DOCK2: variants seen among roughly 807,000 people sequenced by gnomAD.
DOCK2 encodes dedicator of cytokinesis protein 2.
A neutral mutation model predicts 248.9 loss-of-function variants in DOCK2; 87 were observed. The observed-to-expected ratio is 0.35, with a 90% CI of 0.29 to 0.42. The LOEUF is 0.42. Among genes scored for constraint, DOCK2 ranks in the 10% least tolerant of loss-of-function variants. The pLI is 1.00. For synonymous variants in DOCK2, 805 were observed against 821.6 expected, an observed-to-expected ratio of 0.98 and a Z score of 0.35; for missense variants, 1,747 against 2,300.2, an observed-to-expected ratio of 0.76 and a Z score of 4.92.
chr5:169,998,093 G>T, intron 30 of DOCK2: 1 of 455,440 alleles, frequency 2.2e-6, no homozygotes, highest in South Asian at 1.6e-5. Context: ...ACTCCTCCCT[G>T]AGGATCACCC....
At chr5:169,767,396 T>C (rs1183014602) in intron 25 of DOCK2, among the ~76,000 whole-genome samples, 1 of 152,222 alleles carries the variant, frequency 6.6e-6, no homozygotes, top group Non-Finnish European at 1.5e-5. Context: ...GTCCCACTTG[T>C]CAATTTTTGA....
chr5:169,923,002 C>T (rs555070884), intron 27 of DOCK2, among the ~76,000 whole-genome samples: 1 of 152,216 alleles, frequency 6.6e-6, no homozygotes, highest in Non-Finnish European at 1.5e-5. Flanking sequence ...GTCCCACAGA[C>T]AGATATAATT....
intron 26 of DOCK2, among the ~76,000 whole-genome samples, chr5:169,838,385 A>G (rs980608190): frequency 6.6e-6 from 1 of 152,198 alleles, no homozygotes; most frequent in African/African-American, 2.4e-5. Context: ...TGGAGAGAGT[A>G]ATGTTGCTCG....
chr5:169,698,044 T>C lies in DOCK2; in HGVS notation c.980-330T>C, dbSNP rs186515547. On this transcript the variant is annotated intron_variant, in intron 10 of 51. Coordinates refer to ENST00000520908, the MANE Select transcript of DOCK2 (RefSeq NM_004946.3). ...GTAGGCATGGTAGACATTCAATACA[T>C]GCATGTCAAATCCAAACCTAATTGC... is the stretch of plus-strand genomic sequence containing the variant. 2.6e-5 allele frequency among the ~76,000 whole-genome samples: 4 copies of C among 152,374 alleles called. No individual in the cohort carries two copies. In the East Asian group the frequency reaches 5.8e-4, roughly 22 times the overall value.
chr5:169,704,807 ATG>A (rs1761170176), intron 14 of DOCK2, among the ~76,000 whole-genome samples: 1 of 120,318 alleles, frequency 8.3e-6, no homozygotes, highest in Non-Finnish European at 1.8e-5. Flanking sequence ...GTGTGTGTGT[ATG>A]TGTATGCACA....
In DOCK2 at chr5:170,065,670, G is replaced by T. The variant is rs547812182; in HGVS notation, c.4468-1840G>T. Reference sequence around the variant, plus strand: ...ACGTGGATGGCAGCAGGCAAAGAGAGAGCTTGTGCAGGGAAATTCCCTTTA... The same window carrying T: ...ACGTGGATGGCAGCAGGCAAAGAGATAGCTTGTGCAGGGAAATTCCCTTTA... On this transcript the variant is annotated intron_variant, in intron 44 of 51. Coordinates refer to ENST00000520908, the MANE Select transcript of DOCK2 (RefSeq NM_004946.3). Among the ~76,000 whole-genome samples the T allele has an allele frequency of 7.2e-5, 11 of 152,352 alleles. No individual in the cohort carries two copies. The South Asian group carries it at 2.1e-3, about 29-fold the overall frequency.
chr5:169,922,143 G>A (rs1333569254), intron 27 of DOCK2, among the ~76,000 whole-genome samples: 1 of 152,196 alleles, frequency 6.6e-6, no homozygotes, highest in Non-Finnish European at 1.5e-5. Context: ...AGTAATGTCA[G>A]TCATCAATAT....
intron 26 of DOCK2, among the ~76,000 whole-genome samples, chr5:169,826,949 T>C (rs1768901766): frequency 6.9e-6 from 1 of 145,534 alleles, no homozygotes; most frequent in East Asian, 1.9e-4. Flanking sequence ...TACACTGTGG[T>C]CTCTTAAAAG....
In DOCK2 at chr5:170,067,366, A is replaced by T. The variant is rs924347331; in HGVS notation, c.4468-144A>T. ...AGAGAGCAGACAGCCCCCAGAGCTC[A>T]GTAATTACAAGATCCTGTTACAGCC... On this transcript the variant is annotated intron_variant, in intron 44 of 51. Coordinates refer to ENST00000520908, the MANE Select transcript of DOCK2 (RefSeq NM_004946.3). 15 of 738,248 alleles carry T rather than the reference A, an allele frequency of 2.0e-5. No individual in the cohort carries two copies. In the South Asian group the frequency reaches 3.2e-4, roughly 16 times the overall value. 45.7% of individuals were successfully genotyped at this position (738,248 alleles called of 1,614,324 possible).
At position 169,828,572 on chromosome 5, in the gene DOCK2, G is replaced by C. The variant is rs368709372; in HGVS notation, c.2704-12185G>C. On this transcript the variant is annotated intron_variant, in intron 26 of 51. Coordinates refer to ENST00000520908, the MANE Select transcript of DOCK2 (RefSeq NM_004946.3). ...TGTCTATGTTCTCTCTCTGGAGGGT[G>C]GTGGGATGATTAAGGGTATTTTCAC... Among the ~76,000 whole-genome samples, 15 of 152,288 alleles carry C rather than the reference G, an allele frequency of 9.8e-5. 1 individual carries two copies. The South Asian group carries it at 3.1e-3, about 32-fold the overall frequency.
chr5:169,707,761 C>A (rs1223466558), intron 14 of DOCK2, among the ~76,000 whole-genome samples: 1 of 152,210 alleles, frequency 6.6e-6, no homozygotes, highest in Non-Finnish European at 1.5e-5. Flanking sequence ...TGTAGAAATT[C>A]ATCGCAAAGA....
chr5:169,994,142 T>C (rs2113796158), intron 29 of DOCK2, among the ~76,000 whole-genome samples: 1 of 152,332 alleles, frequency 6.6e-6, no homozygotes, highest in South Asian at 2.1e-4. Flanking sequence ...AAGCTTGAGA[T>C]GCCTAAAAGT....
chr5:169,784,055 CCAGGGATGTG>C (rs1220510384), intron 25 of DOCK2, among the ~76,000 whole-genome samples: 1 of 152,018 alleles, frequency 6.6e-6, no homozygotes, highest in Non-Finnish European at 1.5e-5. Flanking sequence ...CTTTCAAAGT[CCAGGGATGTG>C]CAGGTATATA....
intron 27 of DOCK2, among the ~76,000 whole-genome samples, chr5:169,922,188 C>T (rs1335807903): frequency 6.6e-6 from 1 of 152,128 alleles, no homozygotes; most frequent in Non-Finnish European, 1.5e-5. Flanking sequence ...GGAAGAAGCT[C>T]TCCAGAAAAA....
At chr5:170,026,147 G>A (rs147062599) in intron 33 of DOCK2, among the ~76,000 whole-genome samples, 6 of 152,230 alleles carry the variant, frequency 3.9e-5, no homozygotes, top group East Asian at 1.9e-4. Flanking sequence ...GTGAGGGAAC[G>A]ATGGCATCAC....
chr5:169,689,198 TA>T, intron 8 of DOCK2, 53 bp from the exon 9 acceptor site: 15 of 1,573,898 alleles, frequency 9.5e-6, no homozygotes, highest in Non-Finnish European at 1.3e-5. Flanking sequence ...ATGTTTTGAC[TA>T]AATGGATGTC....
chr5:169,974,459 A>G (rs13183891), intron 27 of DOCK2, among the ~76,000 whole-genome samples: 36,391 of 152,134 alleles, frequency 0.24, 4,845 homozygotes, highest in Non-Finnish European at 0.31. Flanking sequence ...TCTAACATGT[A>G]TTTAGCCCTT....
chr5:170,001,707 G>A (rs550899116), intron 30 of DOCK2, among the ~76,000 whole-genome samples: 4 of 152,322 alleles, frequency 2.6e-5, no homozygotes, highest in Middle Eastern at 3.4e-3. Flanking sequence ...TGGCTCAGAC[G>A]TGATGTGCGA....
intron 27 of DOCK2, among the ~76,000 whole-genome samples, chr5:169,876,981 A>G (rs943833427): frequency 1.3e-5 from 2 of 152,226 alleles, no homozygotes; most frequent in African/African-American, 4.8e-5. Flanking sequence ...TATAAACACC[A>G]TATTACAATG....
Sources: allele counts gnomAD v4.1 joint callset (sites outside exome capture counted in the v4.1 genomes callset), GRCh38; gene constraint gnomAD v4.1.1; transcripts MANE v1.5; gene names NCBI Gene and HGNC (gene_info 2026-07-23, HGNC 2026-07-21).